Variants in COA1 observed in about 807,000 individuals in gnomAD.
COA1 encodes cytochrome c oxidase assembly factor 1 homolog.
A neutral mutation model predicts 16.0 loss-of-function variants in COA1; 13 were observed. The observed-to-expected ratio is 0.81, with a 90% CI of 0.53 to 1.29. COA1 has a LOEUF of 1.29. COA1 is among the 50% of genes most tolerant of loss of function. COA1 has a pLI of 0.00. For missense variants in COA1, 179 were observed against 177.0 expected, an observed-to-expected ratio of 1.01 and a Z score of -0.06; for synonymous variants, 65 against 65.7, an observed-to-expected ratio of 0.99 and a Z score of 0.05.
downstream of COA1, among the ~76,000 whole-genome samples, chr7:43,638,200 T>TA (rs1297389266): frequency 2.7e-5 from 4 of 150,546 alleles, no homozygotes; most frequent in Admixed American, 2.7e-4. Flanking sequence ...GAAGACCTCA[T>TA]ACTCTACTAG....
intron 1 of COA1, among the ~76,000 whole-genome samples, chr7:43,661,864 T>G (rs905325249): frequency 6.6e-6 from 1 of 152,198 alleles, no homozygotes; most frequent in Non-Finnish European, 1.5e-5. Context: ...TAAATAAGAC[T>G]TTGGCTAATG....
At chr7:43,691,428 AG>A (rs1455843180) in intron 1 of COA1, among the ~76,000 whole-genome samples, 5 of 61,428 alleles carry the variant, frequency 8.1e-5, no homozygotes, top group African/African-American at 2.7e-4. Flanking sequence ...AGAAAAAGAA[AG>A]AAAGAAAGAA....
intron 1 of COA1, among the ~76,000 whole-genome samples, chr7:43,658,172 C>T (rs1055772284): frequency 1.3e-5 from 2 of 151,754 alleles, no homozygotes; most frequent in African/African-American, 4.8e-5. Context: ...GTCAGGAGAT[C>T]GAGACCATCC....
chr7:43,688,634 T>TA (rs139018269), intron 1 of COA1, among the ~76,000 whole-genome samples: 41 of 149,198 alleles, frequency 2.7e-4, no homozygotes, highest in East Asian at 5.9e-4. Flanking sequence ...TGTATCCTCA[T>TA]AAAAAAAAAA....
At chr7:43,663,241 C>A (rs772263380) in intron 1 of COA1, among the ~76,000 whole-genome samples, 9 of 152,194 alleles carry the variant, frequency 5.9e-5, no homozygotes, top group Non-Finnish European at 8.8e-5. Flanking sequence ...CTCCCTGAGG[C>A]CCCTGCCAGA....
intron 6 of COA1, among the ~76,000 whole-genome samples, chr7:43,617,607 TAGG>T (rs1291215726): frequency 6.6e-6 from 1 of 152,010 alleles, no homozygotes; most frequent in Non-Finnish European, 1.5e-5. Flanking sequence ...GGAAGGAAAA[TAGG>T]AGTCTGTTTT....
At chr7:43,634,030 A>G (rs117491724) in intron 6 of COA1, among the ~76,000 whole-genome samples, 1,728 of 152,234 alleles carry the variant, frequency 0.011, 19 homozygotes, top group South Asian at 0.015. Flanking sequence ...ACTCTTCTCA[A>G]TTCTAAAATT....
chr7:43,689,472 T>G (rs955374815), intron 1 of COA1, among the ~76,000 whole-genome samples: 2 of 152,168 alleles, frequency 1.3e-5, no homozygotes, highest in African/African-American at 4.8e-5. Flanking sequence ...GCAGAATGTT[T>G]GGCTAGAATT....
At chr7:43,672,934 T>C (rs914121259) in intron 1 of COA1, among the ~76,000 whole-genome samples, 13 of 152,218 alleles carry the variant, frequency 8.5e-5, no homozygotes, top group Non-Finnish European at 1.8e-4. Flanking sequence ...CCCTGTTCAA[T>C]TAATGGTGCT....
intron 4 of COA1, among the ~76,000 whole-genome samples, chr7:43,644,785 GGCAGGCAGAGAGAC>G (rs1293052075): frequency 3.2e-4 from 34 of 107,336 alleles, no homozygotes; most frequent in African/African-American, 1.4e-3. Flanking sequence ...CAGGCAGGCA[GGCAGGCAGAGAGAC>G]AGAGAGAGAG....
intron 1 of COA1, chr7:43,650,753 C>T (rs1452094596): frequency 2.0e-5 from 3 of 151,554 alleles, no homozygotes; most frequent in Admixed American, 1.3e-4. Context: ...AAGTTCCCAA[C>T]TTCCAAATGA....
At chr7:43,644,758 A>G (rs865922186) in intron 4 of COA1, among the ~76,000 whole-genome samples, 15,142 of 108,314 alleles carry the variant, frequency 0.14, 1,559 homozygotes, top group Non-Finnish European at 0.19. Flanking sequence ...AGATAGATAG[A>G]TAGGCAGGCA....
chr7:43,623,019 C>T (rs1351654545), intron 6 of COA1: 1 of 152,406 alleles, frequency 6.6e-6, no homozygotes, highest in Non-Finnish European at 1.5e-5. Flanking sequence ...ATAGATGCAA[C>T]TTAGTTGCCT....
chr7:43,624,384 A>T, intron 6 of COA1: 1 of 848,226 alleles, frequency 1.2e-6, no homozygotes, highest in Non-Finnish European at 1.7e-6. Flanking sequence ...TAATAGTTTT[A>T]TTCAGGAATC....
intron 1 of COA1, among the ~76,000 whole-genome samples, chr7:43,710,883 C>G (rs1282292925): frequency 6.6e-6 from 1 of 152,148 alleles, no homozygotes; most frequent in Non-Finnish European, 1.5e-5. Context: ...AGGGAATATA[C>G]AAGTGACACT....
At chr7:43,647,969 G>C (rs2089884679) in intron 2 of COA1, 1 of 277,140 alleles carries the variant, frequency 3.6e-6, no homozygotes, top group Non-Finnish European at 6.8e-6. Flanking sequence ...TGGCCAGGAA[G>C]CACAACCACT....
chr7:43,728,860 T>C (rs893912397), intron 1 of COA1, among the ~76,000 whole-genome samples: 3 of 152,152 alleles, frequency 2.0e-5, no homozygotes, highest in African/African-American at 7.2e-5. Context: ...TTTTTTAAAT[T>C]ACACAGCATC....
chr7:43,623,461 C>G (rs1583810590), intron 6 of COA1: 1 of 823,684 alleles, frequency 1.2e-6, no homozygotes, highest in Non-Finnish European at 2.0e-6. Context: ...CATTTTAGCC[C>G]AAACGTTGGA....
At chr7:43,699,426 G>A (rs1196031047) in intron 1 of COA1, among the ~76,000 whole-genome samples, 1 of 152,110 alleles carries the variant, frequency 6.6e-6, no homozygotes, top group Admixed American at 6.6e-5. Flanking sequence ...GGGATTTGCA[G>A]AGCCAACCTA....
Sources: gnomAD v4.1 joint callset for allele counts (sites outside exome capture counted in the v4.1 genomes callset) on GRCh38, gnomAD v4.1.1 for gene constraint, MANE v1.5 for transcripts, NCBI Gene and HGNC (gene_info 2026-07-23, HGNC 2026-07-21) for gene names.